Variants in ZNF536 observed in about 807,000 individuals in gnomAD.
ZNF536 encodes zinc finger protein 536.
Under a neutral mutation model 84.5 loss-of-function variants are expected in ZNF536, and 13 were observed. The observed-to-expected ratio is 0.15, with a 90% CI of 0.10 to 0.24. The LOEUF (loss-of-function observed/expected upper bound fraction) is 0.24. ZNF536 is among the 10% of genes least tolerant of loss of function. ZNF536 has a pLI of 1.00. For synonymous variants in ZNF536, 811 were observed against 742.5 expected (o/e 1.09, Z -1.50); for missense variants, 1,536 against 1,747.5 (o/e 0.88, Z 2.16).
At chr19:30,321,279 C>T (rs571601722) in intron 2 of ZNF536, among the ~76,000 whole-genome samples, 76 of 152,276 alleles carry the variant, frequency 5.0e-4, no homozygotes, top group African/African-American at 1.8e-3. Context: ...AGAAAGGGGC[C>T]GGTGCGATGG....
At chr19:30,523,672 C>G (rs1176736685) in intron 2 of ZNF536, among the ~76,000 whole-genome samples, 5 of 152,026 alleles carry the variant, frequency 3.3e-5, no homozygotes, top group Non-Finnish European at 5.9e-5. Flanking sequence ...TTGTGGAACT[C>G]TTTTCATACT....
At chr19:30,628,106 C>T (rs1223357579) in intron 1 of ZNF536, among the ~76,000 whole-genome samples, 2 of 152,326 alleles carry the variant, frequency 1.3e-5, no homozygotes, top group South Asian at 2.1e-4. Flanking sequence ...GAGGGTGCCC[C>T]AGACAGTGAT....
chr19:30,647,303 T>C (rs769113807), intron 1 of ZNF536, among the ~76,000 whole-genome samples: 1 of 152,192 alleles, frequency 6.6e-6, no homozygotes, highest in Non-Finnish European at 1.5e-5. Context: ...TTTGAGTCGT[T>C]ATTAAATATA....
Position 30,620,464 on chromosome 19 carries a change from T to G in ZNF536, c.169+70950T>G, listed in dbSNP as rs147021370. ...TGGAAGGGACAGTGGAACTGCCTGGTGGTGACATTCACCCAGATGGGGAAT... is the reference window on the plus strand; with the variant it reads ...TGGAAGGGACAGTGGAACTGCCTGGGGGTGACATTCACCCAGATGGGGAAT... On this transcript the variant is annotated intron_variant, in intron 1 of 1. Coordinates refer to the ZNF536 transcript ENST00000592773. Among the ~76,000 whole-genome samples the G allele has an allele frequency of 9.6e-4, 146 of 152,268 alleles. 2 individuals carry two copies. In the Middle Eastern group the frequency reaches 0.017, roughly 18 times the overall value.
chr19:30,561,214 T>C (rs1314961306), downstream of ZNF536, among the ~76,000 whole-genome samples: 1 of 152,224 alleles, frequency 6.6e-6, no homozygotes, highest in African/African-American at 2.4e-5. Flanking sequence ...TATTGCTCTT[T>C]TTATATGATG....
chr19:30,478,478 T>A (rs1191521210), intron 2 of ZNF536, among the ~76,000 whole-genome samples: 1 of 152,104 alleles, frequency 6.6e-6, no homozygotes, highest in East Asian at 1.9e-4. Flanking sequence ...GTGAAGCTCA[T>A]GGGTTTTGGG....
chr19:30,329,832 C>T (rs1224175144), intron 2 of ZNF536, among the ~76,000 whole-genome samples: 1 of 152,092 alleles, frequency 6.6e-6, no homozygotes, highest in African/African-American at 2.4e-5. Flanking sequence ...ACTGGGTCTA[C>T]ACTTGGTGGG....
At chr19:30,505,449 A>G (rs976019938) in intron 2 of ZNF536, among the ~76,000 whole-genome samples, 1 of 148,354 alleles carries the variant, frequency 6.7e-6, no homozygotes, top group Non-Finnish European at 1.5e-5. Flanking sequence ...CATACCTTAT[A>G]TAATAAGATG....
chr19:30,676,642 G>A (rs1295472885), intron 1 of ZNF536, among the ~76,000 whole-genome samples: 1 of 152,130 alleles, frequency 6.6e-6, no homozygotes, highest in Non-Finnish European at 1.5e-5. Context: ...GATGGTGTTT[G>A]CATCTTTGCA....
intron 2 of ZNF536, among the ~76,000 whole-genome samples, chr19:30,290,894 G>A (rs1270236917): frequency 1.3e-5 from 2 of 152,152 alleles, no homozygotes; most frequent in African/African-American, 2.4e-5. Flanking sequence ...CTGTGTCCAT[G>A]TGTTCTCATT....
intron 1 of ZNF536, among the ~76,000 whole-genome samples, chr19:30,630,525 C>A (rs907678532): frequency 6.6e-6 from 1 of 152,180 alleles, no homozygotes; most frequent in Non-Finnish European, 1.5e-5. Flanking sequence ...GAAAGGAGAC[C>A]CCGGGCAGGA....
intron 3 of ZNF536, among the ~76,000 whole-genome samples, chr19:30,541,882 T>A (rs796331533): frequency 6.6e-6 from 1 of 152,230 alleles, no homozygotes; most frequent in Non-Finnish European, 1.5e-5. Flanking sequence ...GTGTGAAAAG[T>A]CTTCAGGTTT....
At chr19:30,381,930 T>C (rs1337459778) in intron 1 of ZNF536, among the ~76,000 whole-genome samples, 1 of 152,190 alleles carries the variant, frequency 6.6e-6, no homozygotes, top group African/African-American at 2.4e-5. Context: ...TGAAGTTTGC[T>C]ACAGGGGAAG....
At chr19:30,284,480 G>A (rs186823727) in intron 2 of ZNF536, among the ~76,000 whole-genome samples, 1 of 152,166 alleles carries the variant, frequency 6.6e-6, no homozygotes, top group Non-Finnish European at 1.5e-5. Context: ...AAGGCCGAGT[G>A]ACCTCGTCCA....
intron 2 of ZNF536, among the ~76,000 whole-genome samples, chr19:30,520,624 C>T (rs1342568431): frequency 2.0e-5 from 3 of 151,968 alleles, no homozygotes; most frequent in South Asian, 2.1e-4. Flanking sequence ...ACTCAGGGCT[C>T]GGTGGTGCTT....
At chr19:30,673,900 G>T (rs1250897444) in intron 1 of ZNF536, among the ~76,000 whole-genome samples, 3 of 152,208 alleles carry the variant, frequency 2.0e-5, no homozygotes. Context: ...TCTGTAGCGA[G>T]TCATATTTTA....
At chr19:30,251,676 C>T (rs1409665348) in intron 1 of ZNF536, among the ~76,000 whole-genome samples, 2 of 152,144 alleles carry the variant, frequency 1.3e-5, no homozygotes, top group Admixed American at 1.3e-4. Flanking sequence ...TTGGTGCGCC[C>T]ATCTCCTGAG....
At chr19:30,313,942 A>G (rs764554758) in intron 2 of ZNF536, among the ~76,000 whole-genome samples, 8 of 152,332 alleles carry the variant, frequency 5.3e-5, no homozygotes, top group African/African-American at 1.4e-4. Flanking sequence ...AGGTTAGGCC[A>G]TAACACAGAT....
chr19:30,656,743 T>C (rs1291709968), intron 1 of ZNF536, among the ~76,000 whole-genome samples: 1 of 152,236 alleles, frequency 6.6e-6, no homozygotes, highest in Non-Finnish European at 1.5e-5. Context: ...GGTTCACTCC[T>C]GACACTGCGG....
Sources: allele counts gnomAD v4.1 joint callset (sites outside exome capture counted in the v4.1 genomes callset), GRCh38; gene constraint gnomAD v4.1.1; transcripts MANE v1.5; gene names NCBI Gene and HGNC (gene_info 2026-07-23, HGNC 2026-07-21).